Variants in EHMT1 observed in about 807,000 individuals in gnomAD.
EHMT1 encodes histone-lysine N-methyltransferase EHMT1.
In EHMT1, 15 loss-of-function variants were observed where a neutral mutation model predicts 147.2. The observed-to-expected ratio is 0.10, with a 90% CI of 0.07 to 0.16. The LOEUF (loss-of-function observed/expected upper bound fraction) is 0.16. Ranked by LOEUF, EHMT1 falls within the 10% of genes least tolerant of loss-of-function variation. The pLI is 1.00. For synonymous variants in EHMT1, 795 were observed against 709.6 expected, an observed-to-expected ratio of 1.12 and a Z score of -1.91; for missense variants, 1,587 against 1,772.4, an observed-to-expected ratio of 0.90 and a Z score of 1.88.
At chr9:137,696,120 C>G (rs943582974) in intron 1 of EHMT1, among the ~76,000 whole-genome samples, 1 of 152,172 alleles carries the variant, frequency 6.6e-6, no homozygotes, top group African/African-American at 2.4e-5. Flanking sequence ...AACCAACTCT[C>G]CTTTTTCTGC....
chr9:137,621,975 AT>A (rs1377608562), intron 1 of EHMT1, among the ~76,000 whole-genome samples: 2 of 127,928 alleles, frequency 1.6e-5, no homozygotes, highest in Admixed American at 1.6e-4. Flanking sequence ...TTCTTTTATT[AT>A]TATTATACTT....
chr9:137,696,950 C>T (rs1253677910), intron 1 of EHMT1, among the ~76,000 whole-genome samples: 1 of 152,206 alleles, frequency 6.6e-6, no homozygotes, highest in African/African-American at 2.4e-5. Flanking sequence ...CCCAGAGGCA[C>T]AGGACCCCAG....
chr9:137,674,696 C>T (rs965164499), intron 1 of EHMT1, among the ~76,000 whole-genome samples: 1 of 152,136 alleles, frequency 6.6e-6, no homozygotes, highest in Admixed American at 6.5e-5. Context: ...TGCTAGGTGC[C>T]CGGGTTGCAA....
At chr9:137,633,369 G>T (rs1255171792) in intron 1 of EHMT1, among the ~76,000 whole-genome samples, 4 of 148,246 alleles carry the variant, frequency 2.7e-5, no homozygotes, top group South Asian at 2.1e-4. Context: ...CAGAATTTTT[G>T]GGGGGATAAC....
chr9:137,763,243 A>T (rs1002153883), intron 10 of EHMT1: 2 of 349,390 alleles, frequency 5.7e-6, no homozygotes, highest in Admixed American at 8.4e-5. Context: ...CCCTCCTTTC[A>T]CCGGGGATCA....
In EHMT1 at chr9:137,635,596, G is replaced by A. The variant is rs777858884; in HGVS notation, c.21+16547G>A. 2.6e-5 allele frequency among the ~76,000 whole-genome samples: 4 copies of A among 151,506 alleles called. No homozygotes were observed. In the South Asian group the frequency reaches 6.2e-4, roughly 24 times the overall value. Reference sequence around the variant, plus strand: ...AGCACTTTGGGAGGCCGAGGTGGGTGGATCACGAGGTCAGGAGATCGAGAC... The same window carrying A: ...AGCACTTTGGGAGGCCGAGGTGGGTAGATCACGAGGTCAGGAGATCGAGAC... On this transcript the variant is annotated intron_variant, in intron 1 of 26. Transcript: ENST00000460843.
At chr9:137,668,669 C>G (rs1939988982) in intron 1 of EHMT1, among the ~76,000 whole-genome samples, 1 of 152,206 alleles carries the variant, frequency 6.6e-6, no homozygotes, top group South Asian at 2.1e-4. Flanking sequence ...CTTTCCTTCC[C>G]TGTCGATTTG....
intron 25 of EHMT1, among the ~76,000 whole-genome samples, chr9:137,820,322 C>T (rs555879153): frequency 3.3e-5 from 5 of 152,350 alleles, no homozygotes; most frequent in Admixed American, 3.3e-4. Flanking sequence ...TGTGAGGCTC[C>T]TCTGCTGCGA....
intron 2 of EHMT1, chr9:137,715,912 G>C (rs1945175376): frequency 1.1e-6 from 1 of 895,040 alleles, no homozygotes; most frequent in Admixed American, 6.2e-5. Flanking sequence ...TAATGCTTAA[G>C]AAATGTTTAT....
rs547359183 is a variant in EHMT1, at chr9:137,728,169, A to G, written c.643-180A>G. Reference sequence around the variant, plus strand: ...GCTGACCTAACCCATCTGAGGGGCAACTAGGCACACGTGAGGACAGCTGTG... The same window carrying G: ...GCTGACCTAACCCATCTGAGGGGCAGCTAGGCACACGTGAGGACAGCTGTG... On this transcript the variant is annotated intron_variant, in intron 3 of 26. Transcript: ENST00000460843. Among the ~76,000 whole-genome samples, 17 of 152,320 alleles carry G rather than the reference A, an allele frequency of 1.1e-4. No homozygotes were observed. In the East Asian group the frequency reaches 1.2e-3, roughly 10 times the overall value.
chr9:137,619,254 GGGCGCGCTTTGTGCGC>G (rs1842798533), intron 1 of EHMT1, among the ~76,000 whole-genome samples: 1 of 142,430 alleles, frequency 7.0e-6, no homozygotes, highest in Non-Finnish European at 1.6e-5. Flanking sequence ...CGCTCCCGCC[GGGCGCGCTTTGTGCGC>G]GGCGCGGGCC....
chr9:137,743,586 A>C (rs920806584), intron 5 of EHMT1, 58 bp downstream of exon 5: 5 of 1,611,682 alleles, frequency 3.1e-6, no homozygotes, highest in Admixed American at 1.7e-5. Flanking sequence ...TTCTGTGTTC[A>C]GGGCCTCGTT....
chr9:137,751,344 A>C (rs1948951022), intron 6 of EHMT1, among the ~76,000 whole-genome samples: 2 of 152,234 alleles, frequency 1.3e-5, no homozygotes, highest in South Asian at 4.1e-4. Flanking sequence ...CAGGAAAAAC[A>C]GGGGTCTCGC....
chr9:137,711,185 A>G (rs1944683635), intron 2 of EHMT1, among the ~76,000 whole-genome samples, 155 bp downstream of exon 2: 1 of 152,252 alleles, frequency 6.6e-6, no homozygotes. Flanking sequence ...CCTAAATAGC[A>G]CAGTTGCACA....
chr9:137,663,914 G>A (rs973377744), intron 1 of EHMT1, among the ~76,000 whole-genome samples: 1 of 152,044 alleles, frequency 6.6e-6, no homozygotes, highest in Non-Finnish European at 1.5e-5. Flanking sequence ...ACCATTATTC[G>A]TATTATATGT....
intron 21 of EHMT1, 84 bp from the exon 22 acceptor site, chr9:137,814,347 G>C: frequency 1.4e-6 from 2 of 1,440,908 alleles, no homozygotes; most frequent in Non-Finnish European, 1.9e-6. Flanking sequence ...AGGGTTAACA[G>C]AACTGGAAGA....
intron 1 of EHMT1, among the ~76,000 whole-genome samples, chr9:137,701,289 CTT>C (rs200293416): frequency 0.041 from 5,852 of 143,154 alleles, 143 homozygotes; most frequent in Non-Finnish European, 0.058. Flanking sequence ...TTTTTTTTCT[CTT>C]GTTTTTTTTT....
intron 13 of EHMT1, 122 bp downstream of exon 13, chr9:137,778,177 T>G: frequency 7.9e-7 from 1 of 1,270,874 alleles, no homozygotes; most frequent in South Asian, 1.3e-5. Flanking sequence ...TTCGTTAGAA[T>G]AATTCGTATA....
At chr9:137,822,835 G>T (rs1361769133) in intron 25 of EHMT1, among the ~76,000 whole-genome samples, 1 of 150,914 alleles carries the variant, frequency 6.6e-6, no homozygotes, top group Non-Finnish European at 1.5e-5. Context: ...GGAGGTTGCA[G>T]TGAGCCAAGA....
Sources: allele counts gnomAD v4.1 joint callset (sites outside exome capture counted in the v4.1 genomes callset), GRCh38; gene constraint gnomAD v4.1.1; transcripts MANE v1.5; gene names NCBI Gene and HGNC (gene_info 2026-07-23, HGNC 2026-07-21).